Variants in PRICKLE1 observed in about 807,000 individuals in gnomAD.
PRICKLE1 encodes the protein prickle-like protein 1.
PRICKLE1 carries 14 observed loss-of-function variants against 70.2 expected under a neutral mutation model. The ratio of observed to expected loss-of-function variants is 0.20; its 90% CI spans 0.13 to 0.31. PRICKLE1 has a LOEUF of 0.31. Ranked by LOEUF, PRICKLE1 falls within the 10% of genes least tolerant of loss-of-function variation. The probability of loss-of-function intolerance (pLI) is 1.00; values close to 1 mark genes in which losing one functional copy is unlikely to be tolerated. For missense variants in PRICKLE1, 821 were observed against 1,026.2 expected, an observed-to-expected ratio of 0.80 and a Z score of 2.73; for synonymous variants, 357 against 379.9, an observed-to-expected ratio of 0.94 and a Z score of 0.70.
intron 1 of PRICKLE1, among the ~76,000 whole-genome samples, chr12:42,501,523 AAAAAAAAG>A (rs1207807924): frequency 1.6e-3 from 230 of 141,312 alleles, no homozygotes; most frequent in African/African-American, 5.9e-3. Flanking sequence ...AAAAAAAAAA[AAAAAAAAG>A]AAAAGAAAAG....
intron 1 of PRICKLE1, among the ~76,000 whole-genome samples, chr12:42,563,740 G>C (rs971835558): frequency 6.7e-6 from 1 of 149,028 alleles, no homozygotes; most frequent in Non-Finnish European, 1.5e-5. Flanking sequence ...ATCTTTTTTG[G>C]TGGCATGTAT....
chr12:42,572,520 A>G (rs773893335), intron 1 of PRICKLE1, among the ~76,000 whole-genome samples: 1 of 152,238 alleles, frequency 6.6e-6, no homozygotes, highest in Non-Finnish European at 1.5e-5. Context: ...CACATTTTGA[A>G]AAACCTGAGA....
At chr12:42,569,545 G>T (rs140668276) in intron 1 of PRICKLE1, among the ~76,000 whole-genome samples, 1 of 152,268 alleles carries the variant, frequency 6.6e-6, no homozygotes, top group Non-Finnish European at 1.5e-5. Context: ...CATTAACTCA[G>T]GTTTTTATAT....
At chr12:42,515,863 A>G (rs2120431714) in intron 1 of PRICKLE1, among the ~76,000 whole-genome samples, 1 of 152,278 alleles carries the variant, frequency 6.6e-6, no homozygotes, top group Middle Eastern at 3.4e-3. Flanking sequence ...ATTGGTATGA[A>G]TCTACTTTCA....
chr12:42,525,313 CA>C (rs1404171560), intron 1 of PRICKLE1, among the ~76,000 whole-genome samples: 1 of 152,148 alleles, frequency 6.6e-6, no homozygotes, highest in Non-Finnish European at 1.5e-5. Flanking sequence ...ATCCTTTATA[CA>C]AATGTACTGA....
At chr12:42,509,691 T>C (rs1939478596) in intron 1 of PRICKLE1, among the ~76,000 whole-genome samples, 1 of 152,114 alleles carries the variant, frequency 6.6e-6, no homozygotes. Flanking sequence ...ATAATAATAA[T>C]ATAAGACTAC....
chr12:42,473,390 A>G (rs1179213044), intron 1 of PRICKLE1, among the ~76,000 whole-genome samples: 1 of 152,210 alleles, frequency 6.6e-6, no homozygotes, highest in Non-Finnish European at 1.5e-5. Context: ...TGGGCAGAGT[A>G]AGATGTAAAT....
In PRICKLE1 at chr12:42,527,955, A is replaced by C. The variant is rs61924426; in HGVS notation, c.-48-55391T>G. 3.0e-3 allele frequency among the ~76,000 whole-genome samples: 109 copies of C among 36,618 alleles called. 3 individuals carry two copies. The South Asian group carries it at 0.1, about 34-fold the overall frequency. The allele number at this position is 36,618 out of a possible 152,430, so 24.0% of individuals were successfully genotyped here. ...TATATATATATATATATATATATAT[A>C]TATATATATATATATATCTCCAAAG... On this transcript the variant is annotated intron_variant, in intron 1 of 7. Transcript: ENST00000345127.
intron 1 of PRICKLE1, among the ~76,000 whole-genome samples, chr12:42,586,222 T>G (rs894453106): frequency 1.4e-4 from 21 of 152,150 alleles, no homozygotes; most frequent in African/African-American, 4.8e-4. Flanking sequence ...ATTTAGGCAA[T>G]CTTAATATTC....
At chr12:42,535,526 T>A (rs890195930) in intron 1 of PRICKLE1, among the ~76,000 whole-genome samples, 1 of 152,176 alleles carries the variant, frequency 6.6e-6, no homozygotes, top group Non-Finnish European at 1.5e-5. Flanking sequence ...ATCCTAAATT[T>A]TATGACCATT....
intron 1 of PRICKLE1, among the ~76,000 whole-genome samples, chr12:42,474,150 T>C (rs543365508): frequency 6.6e-6 from 1 of 152,238 alleles, no homozygotes; most frequent in South Asian, 2.1e-4. Flanking sequence ...TGGGTGCCTG[T>C]AATCCCAGCT....
rs1937997844 is a variant in PRICKLE1 at position 42,464,458 on chromosome 12, C to G, written c.1576G>C (p.Asp526His). ...WYEDSLECLS[D>H]LKPEQSVRDS... is the part of the protein sequence containing the mutation. ...CGAACACTTTGCTCTGGTTTCAGGTCTGACAGACACTCCAGGGAATCTTCA... is the reference window on the plus strand; with the variant it reads ...CGAACACTTTGCTCTGGTTTCAGGTGTGACAGACACTCCAGGGAATCTTCA... Residue 526 changes from aspartate to histidine, a missense_variant, in exon 7 of 8, where the codon GAC becomes CAC. Physicochemically the swap from Asp to His is moderately conservative, Grantham distance 81. Transcript: ENST00000345127. This position sits in a 1 kb window ranked among gnomAD's most constrained non-coding sequence, Gnocchi z 4.2. 1 of 1,614,056 alleles carries G rather than the reference C, an allele frequency of 6.2e-7. No individual in the cohort carries two copies.
At chr12:42,564,605 CAAAAAAAGA>C (rs1412303864) in intron 1 of PRICKLE1, among the ~76,000 whole-genome samples, 5 of 150,682 alleles carry the variant, frequency 3.3e-5, no homozygotes, top group African/African-American at 9.7e-5. Flanking sequence ...TGAAACTCTT[CAAAAAAAGA>C]AAAAAAAGAA....
At chr12:42,586,375 A>C (rs180797468) in intron 1 of PRICKLE1, among the ~76,000 whole-genome samples, 323 of 151,546 alleles carry the variant, frequency 2.1e-3, no homozygotes, top group African/African-American at 7.3e-3. Context: ...AATCACTTTG[A>C]TTTTTTAAAA....
At chr12:42,495,400 A>AGAG (rs1279069697) in intron 1 of PRICKLE1, among the ~76,000 whole-genome samples, 1 of 136,528 alleles carries the variant, frequency 7.3e-6, no homozygotes, top group East Asian at 2.4e-4. Flanking sequence ...AAAAAAAAAA[A>AGAG]AGAGAGAGAG....
chr12:42,560,260 C>T (rs1940488414), intron 1 of PRICKLE1, among the ~76,000 whole-genome samples: 1 of 151,840 alleles, frequency 6.6e-6, no homozygotes, highest in African/African-American at 2.4e-5. Flanking sequence ...GTCTCAGCCT[C>T]CTGAGTAGCT....
At chr12:42,581,413 G>GA (rs1940897075) in intron 1 of PRICKLE1, among the ~76,000 whole-genome samples, 1 of 151,610 alleles carries the variant, frequency 6.6e-6, no homozygotes, top group Admixed American at 6.6e-5. Flanking sequence ...CTCTGCTTGA[G>GA]AAAAAACAGG....
chr12:42,493,413 T>C (rs1352400928), intron 1 of PRICKLE1, among the ~76,000 whole-genome samples: 1 of 152,314 alleles, frequency 6.6e-6, no homozygotes, highest in East Asian at 1.9e-4. Context: ...TCTTTTTGGC[T>C]TATAAGATCT....
intron 1 of PRICKLE1, among the ~76,000 whole-genome samples, chr12:42,587,612 G>A (rs1281166041): frequency 1.3e-5 from 2 of 152,196 alleles, no homozygotes; most frequent in Non-Finnish European, 2.9e-5. Context: ...CCAGTTGATG[G>A]CATTTAGAAA....
Sources: allele counts gnomAD v4.1 joint callset (sites outside exome capture counted in the v4.1 genomes callset), GRCh38; gene constraint gnomAD v4.1.1; non-coding constraint Gnocchi (gnomAD v3.1); transcripts MANE v1.5; gene names NCBI Gene and HGNC (gene_info 2026-07-23, HGNC 2026-07-21).